The following VWA3B variants were observed in gnomAD, a reference collection of about 807,000 sequenced individuals.
VWA3B encodes the protein von Willebrand factor A domain containing 3B.
VWA3B carries 138 observed loss-of-function variants against 158.3 expected under a neutral mutation model. That is an observed-to-expected ratio of 0.87 (90% confidence interval 0.76 to 1.00). The LOEUF (loss-of-function observed/expected upper bound fraction) is 1.00, where lower values mean the gene tolerates loss of function less well. Ranked by LOEUF, VWA3B falls within the 50% of genes least tolerant of loss-of-function variation. The probability of loss-of-function intolerance (pLI) is 0.00; values close to 1 mark genes in which losing one functional copy is unlikely to be tolerated. For missense variants in VWA3B, 1,555 were observed against 1,565.1 expected, an observed-to-expected ratio of 0.99 and a Z score of 0.11; for synonymous variants, 596 against 587.3, an observed-to-expected ratio of 1.01 and a Z score of -0.21.
At chr2:98,163,163 G>A (rs545447222) in intron 8 of VWA3B, among the ~76,000 whole-genome samples, 187 bp downstream of exon 8, 1 of 144,800 alleles carries the variant, frequency 6.9e-6, no homozygotes. Flanking sequence ...GCATGGACAT[G>A]TGTGTGTGTG....
chr2:98,295,370 C>G (rs1260752647), intron 23 of VWA3B, among the ~76,000 whole-genome samples: 2 of 152,248 alleles, frequency 1.3e-5, no homozygotes, highest in East Asian at 3.8e-4. Flanking sequence ...ACTCATGCAT[C>G]TTTCACCAAA....
chr2:98,319,301 C>A, the VWA3B span, among the ~76,000 whole-genome samples: 1 of 150,566 alleles, frequency 6.6e-6, no homozygotes, highest in Non-Finnish European at 1.5e-5. Context: ...ATGTTGCTAA[C>A]CTTGACTAGA....
intron 21 of VWA3B, among the ~76,000 whole-genome samples, chr2:98,260,626 C>T (rs961157063): frequency 6.6e-6 from 1 of 151,622 alleles, no homozygotes; most frequent in Non-Finnish European, 1.5e-5. Context: ...GTGCTAGAAC[C>T]AATCCCCCAT....
chr2:98,228,483 A>G, intron 15 of VWA3B, 151 bp downstream of exon 15: 1 of 981,888 alleles, frequency 1.0e-6, no homozygotes. Flanking sequence ...TTTTTTAAGC[A>G]AAGAGAATTA....
chr2:98,228,735 C>G (rs1685116980), intron 15 of VWA3B, among the ~76,000 whole-genome samples: 2 of 152,132 alleles, frequency 1.3e-5, no homozygotes, highest in Non-Finnish European at 2.9e-5. Flanking sequence ...TCTCTGTTTC[C>G]TCATCTTTAA....
chr2:98,273,244 TTC>T (rs1490590218), intron 22 of VWA3B, among the ~76,000 whole-genome samples: 2 of 152,270 alleles, frequency 1.3e-5, no homozygotes, highest in East Asian at 3.8e-4. Context: ...TGGCTTAAAA[TTC>T]TCTTTTTGAT....
At chr2:98,327,761 A>G in the VWA3B span, among the ~76,000 whole-genome samples, 20 of 152,342 alleles carry the variant, frequency 1.3e-4, no homozygotes, top group South Asian at 1.4e-3. Context: ...CTGTTAGCTC[A>G]AAGTCTGTCA....
At chr2:98,160,387 G>T (rs971557188) in intron 7 of VWA3B, among the ~76,000 whole-genome samples, 1 of 152,052 alleles carries the variant, frequency 6.6e-6, no homozygotes, top group African/African-American at 2.4e-5. Context: ...GTTGCTCTCT[G>T]ATCACCGACA....
intron 8 of VWA3B, among the ~76,000 whole-genome samples, chr2:98,165,636 A>G (rs1023138841): frequency 6.6e-6 from 1 of 152,094 alleles, no homozygotes; most frequent in Non-Finnish European, 1.5e-5. Flanking sequence ...AGGTTGAGGC[A>G]TGGGCAAGCC....
chr2:98,118,908 G>A (rs1397655708), intron 3 of VWA3B, among the ~76,000 whole-genome samples: 1 of 152,192 alleles, frequency 6.6e-6, no homozygotes, highest in African/African-American at 2.4e-5. Flanking sequence ...GTACATACAA[G>A]AAACTTCCTG....
chr2:98,244,662 G>A (rs1004666898), intron 19 of VWA3B, among the ~76,000 whole-genome samples: 1 of 152,008 alleles, frequency 6.6e-6, no homozygotes, highest in African/African-American at 2.4e-5. Flanking sequence ...GACATGTTTT[G>A]TTCTAGAAAC....
intron 7 of VWA3B, among the ~76,000 whole-genome samples, chr2:98,138,286 G>A (rs1438585561): frequency 1.3e-5 from 2 of 152,144 alleles, no homozygotes; most frequent in African/African-American, 4.8e-5. Context: ...TGCCCTTTTA[G>A]GCTGCTTGTT....
chr2:98,136,960 A>G (rs1182473838), intron 7 of VWA3B, among the ~76,000 whole-genome samples: 1 of 152,140 alleles, frequency 6.6e-6, no homozygotes, highest in Admixed American at 6.5e-5. Flanking sequence ...AGCTTCATCT[A>G]TGTTGTAATA....
chr2:98,189,567 A>G (rs1466849282), intron 10 of VWA3B, among the ~76,000 whole-genome samples: 1 of 152,200 alleles, frequency 6.6e-6, no homozygotes, highest in Non-Finnish European at 1.5e-5. Flanking sequence ...GGTGGAGTAT[A>G]CTACAGGTAT....
Position 98,256,130 on chromosome 2 carries a change from G to A in VWA3B, c.2799G>A (p.Leu933=). 1 of 1,612,986 alleles carries A rather than the reference G, an allele frequency of 6.2e-7. No individual in the cohort carries two copies. Among genetic ancestry groups the A allele is most frequent in the Non-Finnish European group, 8.5e-7 (1 of 1,179,760 alleles). Residue 933 remains leucine, a synonymous_variant, in exon 21 of 28, where the codon TTG becomes TTA. Transcript: ENST00000477737. ...GACTTTTTTTTTTTAACAGGCGCTT[G>A]AATAAAATTGTTTGGCGAGCATTAT... ...EQAIQSYEKR[L]NKIVWRALSQ... is the part of the protein sequence containing the mutation.
chr2:98,233,497 G>A (rs977409127), intron 16 of VWA3B, among the ~76,000 whole-genome samples: 38 of 152,186 alleles, frequency 2.5e-4, no homozygotes, highest in Non-Finnish European at 1.5e-4. Context: ...GTGGACACTG[G>A]CAGGAGCTCA....
rs1682459981 is a variant in VWA3B at position 98,093,047 on chromosome 2, G to C, written c.-32-14G>C. The C allele has an allele frequency of 3.2e-6, 5 of 1,579,798 alleles. No homozygotes were observed. The Admixed American group carries it at 5.3e-5, about 17-fold the overall frequency. On this transcript the variant is annotated splice_polypyrimidine_tract_variant and intron_variant, in intron 1 of 27. Coordinates refer to ENST00000477737, the MANE Select transcript of VWA3B (RefSeq NM_144992.5). ...AAGTTTTTAGGAAGTCTGAGTTTAT[G>C]ATTGCCCTTACAGGAGTTTGCTGTG...
the VWA3B span, among the ~76,000 whole-genome samples, chr2:98,328,506 A>T: frequency 6.6e-6 from 1 of 152,228 alleles, no homozygotes; most frequent in Non-Finnish European, 1.5e-5. Flanking sequence ...AAGTTGCAGG[A>T]TATAAAGTCA....
chr2:98,140,424 C>G (rs997082465), intron 7 of VWA3B, among the ~76,000 whole-genome samples: 6 of 152,228 alleles, frequency 3.9e-5, no homozygotes, highest in African/African-American at 1.4e-4. Context: ...CACTCATCTT[C>G]TAAGCCTCTC....
Sources: allele counts gnomAD v4.1 joint callset (sites outside exome capture counted in the v4.1 genomes callset), GRCh38; gene constraint gnomAD v4.1.1; transcripts MANE v1.5; gene names NCBI Gene and HGNC (gene_info 2026-07-23, HGNC 2026-07-21).